Variants in TNRC18 observed in about 807,000 individuals in gnomAD.
TNRC18 encodes the protein trinucleotide repeat containing 18, also known as trinucleotide repeat-containing gene 18 protein.
A neutral mutation model predicts 226.7 loss-of-function variants in TNRC18; 69 were observed. That is an observed-to-expected ratio of 0.30 (90% CI 0.25 to 0.37). The LOEUF (loss-of-function observed/expected upper bound fraction) is 0.37. Among genes scored for constraint, TNRC18 ranks in the 10% least tolerant of loss-of-function variants. TNRC18 has a pLI of 1.00. For synonymous variants in TNRC18, 2,449 were observed against 1,927.6 expected (o/e 1.27, Z -7.09); for missense variants, 4,754 against 4,256.6 (o/e 1.12, Z -3.25).
At position 5,370,477 on chromosome 7, in the gene TNRC18, C is replaced by G; in HGVS notation, c.4117G>C (p.Ala1373Pro). ...TGCTCCAAGACAAGGCTCTCGGCTG[C>G]TTCCAGCTTCTCCAAGGCCTGGGCT... The part of the protein sequence containing the change: ...AGAQALEKLE[A>P]AESLVLEQSF... The change falls in exon 11 of 30, where the codon GCA becomes CCA. Residue 1373 changes from alanine (A) to proline (P), a missense_variant. By Grantham distance (27) the Ala-to-Pro change is conservative. Transcript: ENST00000430969. The G allele has an allele frequency of 6.3e-7, 1 of 1,585,236 alleles. No individual in the cohort carries two copies. Among genetic ancestry groups the G allele is most frequent in the Non-Finnish European group, 8.6e-7 (1 of 1,165,670 alleles).
At chr7:5,373,971 C>A in intron 10 of TNRC18, 84 bp downstream of exon 10, 3 of 1,143,466 alleles carry the variant, frequency 2.6e-6, no homozygotes, top group South Asian at 3.7e-5. Context: ...AACGAACGAT[C>A]GAACGGGTCA....
chr7:5,318,824 T>C (rs1252584677), intron 24 of TNRC18, among the ~76,000 whole-genome samples: 2 of 152,136 alleles, frequency 1.3e-5, no homozygotes, highest in Non-Finnish European at 2.9e-5. Context: ...CTCTAAAGAA[T>C]AAGGGTACCC....
chr7:5,359,928 G>A (rs1792855078), intron 14 of TNRC18, among the ~76,000 whole-genome samples: 1 of 152,118 alleles, frequency 6.6e-6, no homozygotes, highest in Admixed American at 6.6e-5. Context: ...CAGGATGGCA[G>A]GGGGAGTTCA....
In TNRC18 at chr7:5,375,939, CCTGTAA is replaced by C. The variant is rs1317939091; in HGVS notation, c.2799+89_2799+94del. 4 of 1,282,996 alleles carry C rather than the reference CCTGTAA, an allele frequency of 3.1e-6. No homozygotes were observed. In the African/African-American group the frequency reaches 6.0e-5, roughly 19 times the overall value. The allele number at this position is 1,282,996 out of a possible 1,614,324, so 79.5% of individuals were successfully genotyped here. A position where few individuals can be genotyped will look rare whatever the true frequency, so the allele number is the denominator to read the frequency against. Reference sequence around the variant, plus strand: ...CTGCCCCTCTGCTGTTTTCTCCCTCCCTGTAACTGTCTGGAGATTCTGCTGGCTGAC... The same window carrying C: ...CTGCCCCTCTGCTGTTTTCTCCCTCCCTGTCTGGAGATTCTGCTGGCTGAC... On this transcript the variant is annotated intron_variant, in intron 9 of 29. Transcript: ENST00000430969.
Position 5,352,943 on chromosome 7 carries a change from C to T in TNRC18, c.5195-849G>A, listed in dbSNP as rs56324305. On this transcript the variant is annotated intron_variant, in intron 16 of 29. Coordinates refer to ENST00000430969, the MANE Select transcript of TNRC18 (RefSeq NM_001080495.3). ...GGGGGAACGTGAACCAACACAGCTA[C>T]AGCTCTGGCAGCACCTGCCACCTCC... is the stretch of plus-strand genomic sequence containing the variant. 2.8e-3 allele frequency among the ~76,000 whole-genome samples: 432 copies of T among 152,376 alleles called. 2 individuals carry two copies. Among genetic ancestry groups the T allele is most frequent in the African/African-American group, 0.01 (419 of 41,592 alleles).
chr7:5,357,184 C>G lies in TNRC18; in HGVS notation c.4926G>C (p.Leu1642Phe). The G allele has an allele frequency of 1.9e-6, 3 of 1,609,248 alleles. No individual in the cohort carries two copies. The highest frequency in any genetic ancestry group is 2.5e-6 in the Non-Finnish European group (3 of 1,177,888). The change falls in exon 16 of 30, where the codon TTG becomes TTC. Residue 1642 changes from leucine (L) to phenylalanine (F), a missense_variant. Leu to Phe is a conservative substitution (Grantham distance 22). Transcript: ENST00000430969. The part of the protein sequence containing the change: ...KALSLTKQDK[L>F]KSPFKFSDSA... ...TGTCCGAAAACTTGAAGGGCGACTT[C>G]AACTTGTCCTGCTTGGTGAGGGAGA...
rs753861831 is a variant in TNRC18, at chr7:5,313,004, TGAGGAGGAGGAG to T, written c.7875_7886del (p.Ser2668_Ser2671del). ...AAGAGGAGGAGGAGGAAGAGGAGGA[TGAGGAGGAGGAG>T]GAGGAGGAGGAGGAGGATGAGGAGG... On this transcript the variant is annotated inframe_deletion, in exon 27 of 30. Transcript: ENST00000430969. 15 of 749,626 alleles carry T rather than the reference TGAGGAGGAGGAG, an allele frequency of 2.0e-5. 1 individual carries two copies. The highest frequency in any genetic ancestry group is 3.6e-4 in the Middle Eastern group (1 of 2,752). The allele number at this position is 749,626 out of a possible 1,614,324, so 46.4% of individuals were successfully genotyped here.
At chr7:5,327,780 C>T (rs951807177) in intron 19 of TNRC18, among the ~76,000 whole-genome samples, 6 of 152,082 alleles carry the variant, frequency 3.9e-5, no homozygotes, top group East Asian at 1.9e-4. Context: ...AAATAACTTC[C>T]GACGTGATAG....
chr7:5,350,790 G>A (rs1475552280), intron 17 of TNRC18, among the ~76,000 whole-genome samples: 7 of 152,180 alleles, frequency 4.6e-5, no homozygotes, highest in Non-Finnish European at 1.5e-5. Flanking sequence ...GAACCGAGGT[G>A]GCTGAGGACC....
chr7:5,405,850 G>A lies in TNRC18; in HGVS notation c.188-11255C>T, dbSNP rs138046104. Reference sequence around the variant, plus strand: ...AAGCCAAGGCAGGAGGATCACTTGAGCTCAGGAGTTTGAGACCAGTCTCGG... The same window carrying A: ...AAGCCAAGGCAGGAGGATCACTTGAACTCAGGAGTTTGAGACCAGTCTCGG... On this transcript the variant is annotated intron_variant, in intron 2 of 29. Transcript: ENST00000430969. Among the ~76,000 whole-genome samples the A allele has an allele frequency of 1.5e-3, 223 of 152,322 alleles. 1 individual carries two copies. Among genetic ancestry groups the A allele is most frequent in the African/African-American group, 5.2e-3 (217 of 41,580 alleles).
chr7:5,408,173 C>A (rs1781602486), intron 2 of TNRC18, among the ~76,000 whole-genome samples: 1 of 152,026 alleles, frequency 6.6e-6, no homozygotes, highest in Non-Finnish European at 1.5e-5. Context: ...GTGGCGCGCG[C>A]CTCTAGTCCC....
At chr7:5,352,172 T>A in intron 16 of TNRC18, 78 bp from the exon 17 acceptor site, 2 of 1,420,824 alleles carry the variant, frequency 1.4e-6, no homozygotes, top group South Asian at 2.9e-5. Context: ...TTTTAATGGT[T>A]CTGAGAACGT....
chr7:5,419,927 G>A (rs1315840014), intron 2 of TNRC18: 1 of 159,150 alleles, frequency 6.3e-6, no homozygotes, highest in Admixed American at 6.0e-5. Flanking sequence ...GGGGAGCATC[G>A]AGGGCTACTC....
chr7:5,378,293 C>T (rs566161362), intron 5 of TNRC18, among the ~76,000 whole-genome samples: 31 of 152,272 alleles, frequency 2.0e-4, no homozygotes, highest in African/African-American at 7.0e-4. Context: ...GACAGACAAC[C>T]GTGGCGATAA....
At position 5,374,208 on chromosome 7, in the gene TNRC18, T is replaced by TGGGGGGGGG; in HGVS notation, c.3075_3076insCCCCCCCCC (p.Ala1025_Thr1026insProProPro). The TGGGGGGGGG allele has an allele frequency of 5.9e-6, 4 of 675,286 alleles. No homozygotes were observed. The highest frequency in any genetic ancestry group is 1.4e-4 in the East Asian group (1 of 7,190). 41.8% of individuals were successfully genotyped at this position (675,286 alleles called of 1,614,324 possible). The stretch of plus-strand genomic sequence containing the variant: ...GGGCTGGTGGGGTGGGAGCTGGGGG[T>TGGGGGGGGG]GGCGGGGTAGGCGTAGGCGGGTGGC... On this transcript the variant is annotated inframe_insertion, in exon 10 of 30. Coordinates refer to ENST00000430969, the MANE Select transcript of TNRC18 (RefSeq NM_001080495.3).
chr7:5,306,877 T>TTA lies in TNRC18; in HGVS notation c.*1228_*1229insTA, dbSNP rs532837770. On this transcript the variant is annotated 3_prime_UTR_variant, in exon 30 of 30. Transcript: ENST00000430969. The stretch of plus-strand genomic sequence containing the variant: ...AACAAACAAAATTCCAAAAGAAACA[T>TTA]AAAAAAAAAAACCAATAATTCCCCC... The TTA allele has an allele frequency of 1.6e-4, 23 of 147,022 alleles. No individual in the cohort carries two copies. The highest frequency in any genetic ancestry group is 5.7e-4 in the African/African-American group (23 of 40,132). 9.1% of individuals were successfully genotyped at this position (147,022 alleles called of 1,614,324 possible).
intron 17 of TNRC18, among the ~76,000 whole-genome samples, chr7:5,350,759 G>C (rs1791710680): frequency 1.3e-5 from 2 of 152,156 alleles, no homozygotes; most frequent in South Asian, 4.1e-4. Flanking sequence ...GGTTCTCAGG[G>C]GCCTGGCAGC....
chr7:5,333,160 C>A (rs562782663), intron 18 of TNRC18, 111 bp from the exon 19 acceptor site: 1 of 1,213,732 alleles, frequency 8.2e-7, no homozygotes, highest in African/African-American at 1.5e-5. Context: ...CCAATGGCAG[C>A]GCTTCTGCCC....
At chr7:5,382,549 TC>T (rs68015531) in intron 5 of TNRC18, among the ~76,000 whole-genome samples, 3,944 of 152,120 alleles carry the variant, frequency 0.026, 178 homozygotes, top group African/African-American at 0.088. Context: ...GGGAAGCGGA[TC>T]GGGGGGGAGT....
Sources: allele counts gnomAD v4.1 joint callset (sites outside exome capture counted in the v4.1 genomes callset), GRCh38; gene constraint gnomAD v4.1.1; transcripts MANE v1.5; gene names NCBI Gene and HGNC (gene_info 2026-07-23, HGNC 2026-07-21).